Variants in CNIH3 observed in about 807,000 individuals in gnomAD.
CNIH3 encodes the protein protein cornichon homolog 3.
CNIH3 carries 14 observed loss-of-function variants against 24.1 expected under a neutral mutation model. That is an observed-to-expected ratio of 0.58 (90% CI 0.38 to 0.91). CNIH3 has a LOEUF of 0.91. Among genes scored for constraint, CNIH3 ranks in the 40% least tolerant of loss-of-function variants. CNIH3 has a pLI of 0.00. For missense variants in CNIH3, 178 were observed against 196.8 expected (o/e 0.90, Z 0.57); for synonymous variants, 68 against 73.8 (o/e 0.92, Z 0.40).
intron 1 of CNIH3, among the ~76,000 whole-genome samples, chr1:224,654,873 G>T (rs1293014612): frequency 1.3e-5 from 2 of 152,116 alleles, no homozygotes; most frequent in Admixed American, 1.3e-4. Flanking sequence ...ACTTTGATCG[G>T]CCGTCCCTTT....
intron 3 of CNIH3, among the ~76,000 whole-genome samples, chr1:224,719,426 G>A (rs898622233): frequency 1.3e-5 from 2 of 152,162 alleles, no homozygotes. Flanking sequence ...AGAGTGAAAA[G>A]GAAGATCTAT....
intron 1 of CNIH3, among the ~76,000 whole-genome samples, chr1:224,627,702 G>A (rs1364224044): frequency 6.6e-6 from 1 of 152,198 alleles, no homozygotes; most frequent in Non-Finnish European, 1.5e-5. Flanking sequence ...TGTGACTCTG[G>A]AAGGGGAGTC....
chr1:224,620,959 T>C (rs1683251433), intron 1 of CNIH3, among the ~76,000 whole-genome samples: 1 of 152,252 alleles, frequency 6.6e-6, no homozygotes, highest in South Asian at 2.1e-4. Flanking sequence ...AAGAGCCTTC[T>C]CTGCTCCGGC....
intron 3 of CNIH3, among the ~76,000 whole-genome samples, chr1:224,557,590 G>A (rs1030183222): frequency 3.3e-5 from 5 of 151,998 alleles, no homozygotes; most frequent in East Asian, 1.9e-4. Context: ...CTCAGCCTCC[G>A]GGACTACAGG....
intron 2 of CNIH3, among the ~76,000 whole-genome samples, chr1:224,525,749 G>A (rs1678820563): frequency 1.3e-5 from 2 of 152,150 alleles, no homozygotes; most frequent in South Asian, 2.1e-4. Flanking sequence ...GTGAGATTAG[G>A]GAAGGATGGA....
chr1:224,675,035 G>A (rs938160256), intron 1 of CNIH3, among the ~76,000 whole-genome samples: 1 of 152,030 alleles, frequency 6.6e-6, no homozygotes, highest in African/African-American at 2.4e-5. Context: ...TGCCTCTTGG[G>A]GAAGAACAAT....
rs150612430 is a variant in CNIH3 at position 224,679,057 on chromosome 1, G to A, written c.82-1901G>A. Among the ~76,000 whole-genome samples the A allele has an allele frequency of 2.8e-3, 422 of 152,076 alleles. 6 individuals carry two copies. The East Asian group carries it at 0.029, about 10-fold the overall frequency. ...TAAACCTTTATGGATACTGAAATTTGAATTTTAATATAAGCTTCACATGCC... is the reference window on the plus strand; with the variant it reads ...TAAACCTTTATGGATACTGAAATTTAAATTTTAATATAAGCTTCACATGCC... On this transcript the variant is annotated intron_variant, in intron 1 of 5. Coordinates refer to ENST00000272133, the MANE Select transcript of CNIH3 (RefSeq NM_152495.2).
At chr1:224,689,036 C>T (rs963051793) in intron 3 of CNIH3, among the ~76,000 whole-genome samples, 13 of 152,100 alleles carry the variant, frequency 8.5e-5, no homozygotes, top group Non-Finnish European at 1.9e-4. Context: ...CGATTTTCTT[C>T]CATAATGCTT....
chr1:224,558,491 G>A (rs1369608056), intron 3 of CNIH3, among the ~76,000 whole-genome samples: 1 of 152,072 alleles, frequency 6.6e-6, no homozygotes, highest in Non-Finnish European at 1.5e-5. Context: ...GTAAGAGGGT[G>A]CATTTTCTGT....
intron 3 of CNIH3, among the ~76,000 whole-genome samples, chr1:224,687,544 C>G (rs189148134): frequency 9.3e-4 from 142 of 152,296 alleles, no homozygotes; most frequent in Non-Finnish European, 1.6e-3. Context: ...AGCTTGCTTT[C>G]TTTCTTTGTG....
At chr1:224,514,781 G>A (rs1441168367), upstream of CNIH3, among the ~76,000 whole-genome samples, 3 of 152,198 alleles carry the variant, frequency 2.0e-5, no homozygotes, top group South Asian at 2.1e-4. Flanking sequence ...GCAGTGAGCC[G>A]TGGTCATGCC....
intron 4 of CNIH3, among the ~76,000 whole-genome samples, chr1:224,582,738 T>G (rs1488869737): frequency 6.6e-6 from 1 of 152,198 alleles, no homozygotes; most frequent in Non-Finnish European, 1.5e-5. Context: ...ACCTGCCATA[T>G]GGAGGACTTT....
At chr1:224,661,259 G>T (rs895535112) in intron 1 of CNIH3, 4 of 304,324 alleles carry the variant, frequency 1.3e-5, no homozygotes, top group South Asian at 8.0e-5. Flanking sequence ...GCTCTTTCTT[G>T]ACCATTCTTG....
chr1:224,479,270 C>A (rs1387043043), intron 1 of CNIH3, among the ~76,000 whole-genome samples: 1 of 150,020 alleles, frequency 6.7e-6, no homozygotes, highest in East Asian at 2.0e-4. Context: ...TCTCCTGCCT[C>A]AGCCTCCCAA....
downstream of CNIH3, among the ~76,000 whole-genome samples, chr1:224,538,744 C>G (rs1023187148): frequency 2.6e-5 from 4 of 151,350 alleles, no homozygotes; most frequent in Non-Finnish European, 5.9e-5. Context: ...ACCATAACCT[C>G]TAACTCCTGG....
intron 1 of CNIH3, among the ~76,000 whole-genome samples, chr1:224,444,441 C>A (rs1044447333): frequency 6.6e-6 from 1 of 152,104 alleles, no homozygotes; most frequent in African/African-American, 2.4e-5. Context: ...TCACTGCAAC[C>A]TCTGCCTTCT....
chr1:224,615,775 G>T (rs561479143), upstream of CNIH3: 1 of 152,264 alleles, frequency 6.6e-6, no homozygotes, highest in Non-Finnish European at 1.5e-5. Context: ...GACGTTAATG[G>T]AGAATTTTGC....
At chr1:224,534,299 G>A (rs1283999604) in intron 2 of CNIH3, among the ~76,000 whole-genome samples, 1 of 152,240 alleles carries the variant, frequency 6.6e-6, no homozygotes, top group African/African-American at 2.4e-5. Flanking sequence ...GATATGAAGA[G>A]TGTAAATGTT....
intron 2 of CNIH3, among the ~76,000 whole-genome samples, chr1:224,530,196 G>T (rs1328475740): frequency 2.0e-5 from 3 of 152,194 alleles, no homozygotes; most frequent in Non-Finnish European, 2.9e-5. Flanking sequence ...TGCCGGAGGG[G>T]ACTAGAGAAT....
Sources: allele counts gnomAD v4.1 joint callset (sites outside exome capture counted in the v4.1 genomes callset), GRCh38; gene constraint gnomAD v4.1.1; transcripts MANE v1.5; gene names NCBI Gene and HGNC (gene_info 2026-07-23, HGNC 2026-07-21).